Variants in ALLC observed in about 807,000 individuals in gnomAD.
ALLC encodes probable inactive allantoicase.
A neutral mutation model predicts 45.0 loss-of-function variants in ALLC; 40 were observed. The observed-to-expected ratio is 0.89, with a 90% CI of 0.69 to 1.16. ALLC has a LOEUF of 1.16. ALLC is among the 50% of genes most tolerant of loss of function. The probability of loss-of-function intolerance (pLI) is 0.00; values close to 1 mark genes in which losing one functional copy is unlikely to be tolerated. For synonymous variants in ALLC, 176 were observed against 178.1 expected (o/e 0.99, Z 0.09); for missense variants, 488 against 493.1 (o/e 0.99, Z 0.10).
At chr2:3,651,443 T>TGTGTGTGTGTGTGAG in the ALLC span, among the ~76,000 whole-genome samples, 1 of 16,808 alleles carries the variant, frequency 5.9e-5, no homozygotes, top group Admixed American at 7.3e-4. Context: ...GTGTGTGTGT[T>TGTGTGTGTGTGTGAG]AGGAAGGGAG....
At chr2:3,697,506 A>G (rs1219524318) in intron 10 of ALLC, 50 bp downstream of exon 10, 4 of 1,462,852 alleles carry the variant, frequency 2.7e-6, no homozygotes, top group Non-Finnish European at 3.8e-6. Context: ...TGTTTATTCT[A>G]AAGACTGAGT....
chr2:3,687,114 A>G (rs536685483), intron 7 of ALLC, among the ~76,000 whole-genome samples: 1 of 150,708 alleles, frequency 6.6e-6, no homozygotes, highest in African/African-American at 2.4e-5. Context: ...TTTTTTTTCT[A>G]TACCCAATTT....
chr2:3,690,180 A>G (rs1667437886), intron 7 of ALLC, among the ~76,000 whole-genome samples: 1 of 143,534 alleles, frequency 7.0e-6, no homozygotes, highest in African/African-American at 2.5e-5. Flanking sequence ...CATTGAGTCC[A>G]TTTACATTCA....
chr2:3,659,798 G>C (rs985511315), intron 1 of ALLC, among the ~76,000 whole-genome samples: 4 of 152,208 alleles, frequency 2.6e-5, no homozygotes, highest in Admixed American at 6.5e-5. Flanking sequence ...GAACCTCCAC[G>C]GGGCCCTGCA....
upstream of ALLC, among the ~76,000 whole-genome samples, chr2:3,655,074 G>C (rs1008020194): frequency 6.6e-6 from 1 of 152,232 alleles, no homozygotes; most frequent in African/African-American, 2.4e-5. Flanking sequence ...CTGCTTCCTC[G>C]TGCACTCCCC....
chr2:3,701,282 G>A (rs541148909), intron 10 of ALLC, among the ~76,000 whole-genome samples: 25 of 152,232 alleles, frequency 1.6e-4, no homozygotes, highest in African/African-American at 5.1e-4. Flanking sequence ...CACATATGGC[G>A]GACTGCTTCT....
At chr2:3,673,428 G>A (rs1666944842) in intron 2 of ALLC, among the ~76,000 whole-genome samples, 1 of 152,248 alleles carries the variant, frequency 6.6e-6, no homozygotes, top group Non-Finnish European at 1.5e-5. Context: ...ACAGCCAGCA[G>A]CTCTGAAACA....
chr2:3,650,792 A>G, the ALLC span, among the ~76,000 whole-genome samples: 1 of 152,112 alleles, frequency 6.6e-6, no homozygotes, highest in South Asian at 2.1e-4. Context: ...GGCTTCATGG[A>G]GGGGAGTCTG....
chr2:3,684,410 C>G (rs1170583387), intron 7 of ALLC, among the ~76,000 whole-genome samples: 1 of 152,116 alleles, frequency 6.6e-6, no homozygotes, highest in Non-Finnish European at 1.5e-5. Flanking sequence ...CTCTTCAGAT[C>G]TCTATTCACT....
At chr2:3,679,199 C>T (rs903283311) in intron 4 of ALLC, among the ~76,000 whole-genome samples, 4 of 152,202 alleles carry the variant, frequency 2.6e-5, no homozygotes, top group Non-Finnish European at 2.9e-5. Context: ...TTCTAACTTT[C>T]TACAGTACTT....
chr2:3,651,418 TGTGTGTGTGTGTGTGTGTGTGTGTTA>T, the ALLC span, among the ~76,000 whole-genome samples: 34 of 54,256 alleles, frequency 6.3e-4, no homozygotes, highest in African/African-American at 1.8e-3. Context: ...TGTGTGTGTG[TGTGTGTGTGTGTGTGTGTGTGTGTTA>T]GGAAGGGAGA....
intron 1 of ALLC, among the ~76,000 whole-genome samples, chr2:3,661,498 C>T (rs1666574997): frequency 6.6e-6 from 1 of 152,124 alleles, no homozygotes; most frequent in East Asian, 1.9e-4. Flanking sequence ...GGACCATCTG[C>T]TGGAGGGAAA....
At chr2:3,691,979 T>C (rs1667528989) in intron 7 of ALLC, among the ~76,000 whole-genome samples, 1 of 152,222 alleles carries the variant, frequency 6.6e-6, no homozygotes, top group African/African-American at 2.4e-5. Flanking sequence ...GAAATTTTGT[T>C]AAATTTCTCT....
intron 10 of ALLC, 60 bp from the exon 11 acceptor site, chr2:3,701,452 C>G: frequency 6.6e-7 from 1 of 1,506,382 alleles, no homozygotes; most frequent in Non-Finnish European, 8.9e-7. Context: ...GCATGATATC[C>G]TATACGCCAA....
chr2:3,680,669 C>G lies in ALLC; in HGVS notation c.298+675C>G, dbSNP rs1288049046. ...GCAGCGAGATGGGTAAATCTCTGCA[C>G]TGTTACTGCCCGGACTCAGGGCTCA... On this transcript the variant is annotated intron_variant, in intron 5 of 11. Transcript: ENST00000252505. The surrounding 1 kb of genome is among the most constrained non-coding windows in gnomAD (Gnocchi z 4.0). Among the ~76,000 whole-genome samples the G allele has an allele frequency of 6.6e-6, 1 of 152,194 alleles. No homozygotes were observed. Among genetic ancestry groups the G allele is most frequent in the Non-Finnish European group, 1.5e-5 (1 of 68,038 alleles).
chr2:3,702,329 C>CA (rs1397556401), intron 11 of ALLC, 34 bp from the exon 12 acceptor site: 1 of 1,595,202 alleles, frequency 6.3e-7, no homozygotes. Flanking sequence ...GTCCTGTTAA[C>CA]AGACTAGGAC....
chr2:3,658,876 C>CAAAA (rs566003324), intron 1 of ALLC, among the ~76,000 whole-genome samples: 1,940 of 68,954 alleles, frequency 0.028, 64 homozygotes, highest in African/African-American at 0.087. Context: ...GACCCTGTCT[C>CAAAA]AAAAAAAAAA....
rs201408577 is a variant in ALLC, at chr2:3,677,036, C to CCTT, written c.85-1431_85-1429dup. ...CTCCTGACCTCAGGTGATCCGCCCT[C>CCTT]CTTGGCCTCCCAAAGTGCTGGGATT... is the stretch of plus-strand genomic sequence containing the variant. On this transcript the variant is annotated intron_variant, in intron 3 of 11. Transcript: ENST00000252505. Among the ~76,000 whole-genome samples the CCTT allele has an allele frequency of 4.3e-3, 652 of 152,316 alleles. 3 individuals carry two copies. The highest frequency in any genetic ancestry group is 0.015 in the African/African-American group (629 of 41,558).
intron 3 of ALLC, among the ~76,000 whole-genome samples, chr2:3,674,843 A>G (rs904015832): frequency 6.6e-6 from 1 of 152,242 alleles, no homozygotes; most frequent in Non-Finnish European, 1.5e-5. Context: ...AACTTTTTCT[A>G]GGTCACACAG....
Sources: allele counts gnomAD v4.1 joint callset (sites outside exome capture counted in the v4.1 genomes callset), GRCh38; gene constraint gnomAD v4.1.1; non-coding constraint Gnocchi (gnomAD v3.1); transcripts MANE v1.5; gene names NCBI Gene and HGNC (gene_info 2026-07-23, HGNC 2026-07-21).